Variants in VIT observed in about 807,000 individuals in gnomAD.
The protein encoded by VIT is vitrin.
A neutral mutation model predicts 78.0 loss-of-function variants in VIT; 99 were observed. The ratio of observed to expected loss-of-function variants is 1.27; its 90% CI spans 1.08 to 1.50. VIT has a LOEUF of 1.50. VIT is among the 40% of genes most tolerant of loss of function. The pLI, the probability that VIT is intolerant of heterozygous loss-of-function variation, is 0.00. For synonymous variants in VIT, 374 were observed against 334.3 expected (o/e 1.12, Z -1.29); for missense variants, 1,126 against 875.3 (o/e 1.29, Z -3.61).
chr2:36,733,343 T>TCC lies in VIT; in HGVS notation c.118+3858_118+3859dup, dbSNP rs201443741. On this transcript the variant is annotated intron_variant, in intron 3 of 15. Coordinates refer to ENST00000379242, the MANE Select transcript of VIT (RefSeq NM_053276.4). The stretch of plus-strand genomic sequence containing the variant: ...TTCTCTCTCTTGCTGTCTCTCTCTC[T>TCC]CCCCCCCTCTCTCTCTCTCCAGACC... Among the ~76,000 whole-genome samples the TCC allele has an allele frequency of 1.4e-3, 216 of 151,648 alleles. 1 individual carries two copies. The highest frequency in any genetic ancestry group is 5.1e-3 in the African/African-American group (211 of 41,178).
At chr2:36,703,128 T>G (rs1558498770) in intron 1 of VIT, among the ~76,000 whole-genome samples, 1 of 152,134 alleles carries the variant, frequency 6.6e-6, no homozygotes, top group Non-Finnish European at 1.5e-5. Flanking sequence ...ACTCAGCCAC[T>G]TCAAATTGGG....
Position 36,814,267 on chromosome 2 carries a change from C to T in VIT, c.1988C>T (p.Ser663Phe), listed in dbSNP as rs1553384960. The T allele has an allele frequency of 6.2e-7, 1 of 1,614,252 alleles. No homozygotes were observed. Among genetic ancestry groups the T allele is most frequent in the South Asian group, 1.1e-5 (1 of 91,090 alleles). Reference protein sequence around the residue: ...VIATHPARDHSFFVDEFDNLH... With the variant: ...VIATHPARDHFFFVDEFDNLH... ...GCCACTCACCCCGCCAGAGACCACT[C>T]CTTCTTTGTGGACGAGTTTGACAAC... Residue 663 changes from serine to phenylalanine, a missense_variant, in exon 16 of 16, where the codon TCC (serine) becomes TTC (phenylalanine). Physicochemically the swap from Ser to Phe is radical, Grantham distance 155 (BLOSUM62 -2). Coordinates refer to ENST00000379242, the MANE Select transcript of VIT (RefSeq NM_053276.4).
chr2:36,781,065 C>T (rs1441023842), intron 9 of VIT, among the ~76,000 whole-genome samples: 1 of 152,176 alleles, frequency 6.6e-6, no homozygotes, highest in African/African-American at 2.4e-5. Context: ...TTACTGCATA[C>T]AGGTCCAGGT....
In VIT at chr2:36,728,138, C is replaced by CCT. The variant is rs1401968918; in HGVS notation, c.53-1287_53-1286insTC. On this transcript the variant is annotated intron_variant, in intron 2 of 15. Transcript: ENST00000379242. The stretch of plus-strand genomic sequence containing the variant: ...TAGAGACAGGGTTTCACCATGTTGG[C>CCT]CACACTCGTCTCAAACTCCTGACCT... Among the ~76,000 whole-genome samples the CCT allele has an allele frequency of 3.9e-5, 6 of 152,160 alleles. No homozygotes were observed. In the East Asian group the frequency reaches 9.7e-4, roughly 25 times the overall value.
intron 2 of VIT, among the ~76,000 whole-genome samples, chr2:36,722,636 G>C (rs1005666412): frequency 6.6e-6 from 1 of 152,166 alleles, no homozygotes; most frequent in African/African-American, 2.4e-5. Context: ...AGCAAACTGA[G>C]GTTCTCCAAA....
At chr2:36,774,763 G>T in intron 8 of VIT, 1 of 985,358 alleles carries the variant, frequency 1.0e-6, no homozygotes, top group Non-Finnish European at 1.2e-6. Flanking sequence ...GCCATCTTAG[G>T]CCTCTACAGA....
chr2:36,767,873 T>G (rs1336089991), intron 7 of VIT, among the ~76,000 whole-genome samples: 2 of 152,230 alleles, frequency 1.3e-5, no homozygotes, highest in South Asian at 4.1e-4. Flanking sequence ...CCATCCTAAG[T>G]TAATAAGCAT....
At chr2:36,748,043 A>T (rs950622428) in intron 4 of VIT, among the ~76,000 whole-genome samples, 5 of 152,212 alleles carry the variant, frequency 3.3e-5, no homozygotes, top group South Asian at 2.1e-4. Flanking sequence ...GGGTGCTGAG[A>T]ATAGGCTCCC....
At chr2:36,721,019 A>G (rs1446579632) in intron 2 of VIT, among the ~76,000 whole-genome samples, 1 of 152,166 alleles carries the variant, frequency 6.6e-6, no homozygotes, top group Non-Finnish European at 1.5e-5. Flanking sequence ...TCAAAAAAAA[A>G]AAAAGGTACA....
At chr2:36,758,121 C>T (rs1372365050) in intron 5 of VIT, among the ~76,000 whole-genome samples, 1 of 152,222 alleles carries the variant, frequency 6.6e-6, no homozygotes, top group Non-Finnish European at 1.5e-5. Flanking sequence ...TATTGGCTAA[C>T]AGGTAGTACC....
intron 5 of VIT, 123 bp from the exon 6 acceptor site, chr2:36,758,846 G>A: frequency 1.2e-6 from 1 of 851,446 alleles, no homozygotes; most frequent in Non-Finnish European, 1.9e-6. Flanking sequence ...TTCAGCATGA[G>A]GGAGACTGAT....
intron 12 of VIT, among the ~76,000 whole-genome samples, chr2:36,788,609 G>A (rs920450374): frequency 5.3e-5 from 8 of 152,116 alleles, no homozygotes; most frequent in Non-Finnish European, 1.2e-4. Context: ...GCGGTTTTAG[G>A]GGGTATTTTC....
intron 2 of VIT, among the ~76,000 whole-genome samples, chr2:36,719,571 G>A (rs544732673): frequency 1.2e-3 from 131 of 112,368 alleles, no homozygotes; most frequent in South Asian, 2.7e-3. Flanking sequence ...TCTCATTTAC[G>A]ATAGTATCAA....
Position 36,743,129 on chromosome 2 carries a change from G to T in VIT, c.148G>T (p.Ala50Ser), listed in dbSNP as rs1667933020. 3 of 1,614,066 alleles carry T rather than the reference G, an allele frequency of 1.9e-6. No homozygotes were observed. The East Asian group carries it at 6.7e-5, about 36-fold the overall frequency. ...TVPQINCDVK[A>S]GKIIDPEFIV... Reference sequence around the variant, plus strand: ...GCCTCAGATCAACTGCGATGTCAAAGCCGGAAAGATCATCGATCCTGAGTT... The same window carrying T: ...GCCTCAGATCAACTGCGATGTCAAATCCGGAAAGATCATCGATCCTGAGTT... The change falls in exon 4 of 16, where the codon GCC becomes TCC. Residue 50 changes from alanine (A) to serine (S), a missense_variant. Physicochemically the swap from Ala to Ser is moderately conservative, Grantham distance 99. Transcript: ENST00000379242.
At chr2:36,790,696 C>A (rs1046464594) in intron 12 of VIT, among the ~76,000 whole-genome samples, 1 of 152,146 alleles carries the variant, frequency 6.6e-6, no homozygotes, top group Non-Finnish European at 1.5e-5. Context: ...AAATGTCAAA[C>A]AAAATTGTCG....
At chr2:36,787,669 C>G (rs1310391155) in intron 12 of VIT, 2 of 339,636 alleles carry the variant, frequency 5.9e-6, no homozygotes, top group Non-Finnish European at 5.7e-6. Context: ...GCTTTCAACC[C>G]TATTACAGCA....
At chr2:36,726,126 G>A (rs1024917390) in intron 2 of VIT, among the ~76,000 whole-genome samples, 1 of 151,446 alleles carries the variant, frequency 6.6e-6, no homozygotes, top group Admixed American at 6.6e-5. Flanking sequence ...AATTTTAAGT[G>A]AGCATACATT....
chr2:36,814,335 G>A lies in VIT; in HGVS notation c.2056G>A (p.Glu686Lys), dbSNP rs1442846278. Residue 686 changes from glutamate (E) to lysine (K), a missense_variant, in exon 16 of 16, where the codon GAG becomes AAG. Transcript: ENST00000379242. ...VPRIIQNICT[E>K]FNSQPRN Reference sequence around the variant, plus strand: ...CAGGATCATCCAGAACATTTGTACAGAGTTCAACTCACAGCCTCGGAACTG... The same window carrying A: ...CAGGATCATCCAGAACATTTGTACAAAGTTCAACTCACAGCCTCGGAACTG... The A allele has an allele frequency of 2.5e-6, 4 of 1,614,082 alleles. No individual in the cohort carries two copies. In the South Asian group the frequency reaches 3.3e-5, roughly 13 times the overall value.
intron 12 of VIT, among the ~76,000 whole-genome samples, chr2:36,794,458 G>A (rs972314374): frequency 7.2e-5 from 11 of 152,130 alleles, no homozygotes; most frequent in African/African-American, 2.7e-4. Context: ...AGAGTAACCA[G>A]GCTAATCAGG....
Sources: gnomAD v4.1 joint callset for allele counts (sites outside exome capture counted in the v4.1 genomes callset) on GRCh38, gnomAD v4.1.1 for gene constraint, MANE v1.5 for transcripts, NCBI Gene and HGNC (gene_info 2026-07-23, HGNC 2026-07-21) for gene names.